The following ROBO1 variants were observed in gnomAD, a reference collection of about 807,000 sequenced individuals.
ROBO1 encodes the protein roundabout guidance receptor 1.
Under a neutral mutation model 195.9 loss-of-function variants are expected in ROBO1, and 149 were observed. The observed-to-expected ratio is 0.76, with a 90% CI of 0.67 to 0.87. The LOEUF is 0.87. Among genes scored for constraint, ROBO1 ranks in the 40% least tolerant of loss-of-function variants. ROBO1 has a pLI of 0.00. For missense variants in ROBO1, 1,933 were observed against 2,068.3 expected, an observed-to-expected ratio of 0.93 and a Z score of 1.27; for synonymous variants, 816 against 733.2, an observed-to-expected ratio of 1.11 and a Z score of -1.82.
intron 2 of ROBO1, among the ~76,000 whole-genome samples, chr3:79,223,758 A>G (rs1475129564): frequency 6.6e-6 from 1 of 152,178 alleles, no homozygotes; most frequent in Non-Finnish European, 1.5e-5. Flanking sequence ...CTAAGGCTCA[A>G]GATAGGTAAT....
In ROBO1 at chr3:79,446,488, G is replaced by A. The variant is rs925081356; in HGVS notation, c.88+143336C>T. On this transcript the variant is annotated intron_variant, in intron 2 of 30. Coordinates refer to ENST00000464233, the MANE Select transcript of ROBO1 (RefSeq NM_002941.4). Reference sequence around the variant, plus strand: ...GTTTTGAAATAAATAAGATCATGCTGCAATTAGTGTTGCTTATAATAGATA... The same window carrying A: ...GTTTTGAAATAAATAAGATCATGCTACAATTAGTGTTGCTTATAATAGATA... 3.9e-5 allele frequency among the ~76,000 whole-genome samples: 6 copies of A among 152,236 alleles called. No homozygotes were observed. The South Asian group carries it at 1.2e-3, about 32-fold the overall frequency.
intron 2 of ROBO1, among the ~76,000 whole-genome samples, chr3:79,232,345 A>G (rs2108854825): frequency 6.6e-6 from 1 of 151,196 alleles, no homozygotes; most frequent in East Asian, 1.9e-4. Context: ...TGTGCACTAA[A>G]AAAAAATAAA....
At chr3:79,062,267 T>C (rs2078933035) in intron 3 of ROBO1, among the ~76,000 whole-genome samples, 1 of 152,072 alleles carries the variant, frequency 6.6e-6, no homozygotes. Flanking sequence ...TCACTGGTCA[T>C]TAGAGAAATG....
At chr3:79,249,191 C>T (rs2108903725) in intron 2 of ROBO1, among the ~76,000 whole-genome samples, 1 of 152,244 alleles carries the variant, frequency 6.6e-6, no homozygotes, top group Middle Eastern at 3.4e-3. Context: ...ACAGTTTTGA[C>T]CAATACGTGT....
intron 5 of ROBO1, among the ~76,000 whole-genome samples, chr3:78,746,323 C>T (rs183995480): frequency 6.6e-6 from 1 of 152,018 alleles, no homozygotes; most frequent in African/African-American, 2.4e-5. Flanking sequence ...AACAGAAAAG[C>T]ACTTTTAAAA....
intron 4 of ROBO1, among the ~76,000 whole-genome samples, chr3:78,762,058 G>T (rs1235872819): frequency 6.6e-6 from 1 of 151,880 alleles, no homozygotes; most frequent in Non-Finnish European, 1.5e-5. Flanking sequence ...TTTTAAATGG[G>T]AATTTAACAA....
intron 3 of ROBO1, among the ~76,000 whole-genome samples, chr3:79,020,051 T>C (rs1207751012): frequency 1.3e-5 from 2 of 152,220 alleles, no homozygotes; most frequent in Non-Finnish European, 2.9e-5. Flanking sequence ...CATTTCCTCA[T>C]GTTTCAGTTG....
chr3:79,300,502 C>T lies in ROBO1; in HGVS notation c.89-174963G>A, dbSNP rs368521610. On this transcript the variant is annotated intron_variant, in intron 2 of 30. Transcript: ENST00000464233. ...CAGCCCGCCATGCCTGAGCCTCCCA[C>T]CCCCTCCGTGGGCTCCTGTGCGGCC... Among the ~76,000 whole-genome samples, 226 of 152,344 alleles carry T rather than the reference C, an allele frequency of 1.5e-3. 1 individual carries two copies. The highest frequency in any genetic ancestry group is 5.1e-3 in the African/African-American group (213 of 41,590).
chr3:79,392,350 A>AAATGAGT (rs1466432671), intron 2 of ROBO1, among the ~76,000 whole-genome samples: 2 of 152,226 alleles, frequency 1.3e-5, no homozygotes, highest in African/African-American at 4.8e-5. Flanking sequence ...TTTTAGTAAG[A>AAATGAGT]AATGAGTACC....
In ROBO1 at chr3:79,214,729, T is replaced by A. The variant is rs188448946; in HGVS notation, c.89-89190A>T. On this transcript the variant is annotated intron_variant, in intron 2 of 30. Transcript: ENST00000464233. ...GTTAGTAATTGCTATATATATATAT[T>A]TGCTATATATATATATAGCATGTAT... Among the ~76,000 whole-genome samples, 99 of 148,364 alleles carry A rather than the reference T, an allele frequency of 6.7e-4. 1 individual carries two copies. In the East Asian group the frequency reaches 9.0e-3, roughly 14 times the overall value.
intron 4 of ROBO1, among the ~76,000 whole-genome samples, chr3:78,788,662 T>C (rs2083924082): frequency 6.6e-6 from 1 of 152,028 alleles, no homozygotes; most frequent in Non-Finnish European, 1.5e-5. Context: ...TACCATATCT[T>C]AGTGGTATTT....
At chr3:78,662,384 TAAC>T (rs768617226) in intron 14 of ROBO1, among the ~76,000 whole-genome samples, 16 of 151,888 alleles carry the variant, frequency 1.1e-4, no homozygotes, top group Non-Finnish European at 2.2e-4. Context: ...CAATGGCAAA[TAAC>T]AACATTTAGT....
chr3:79,073,215 C>T (rs1389010476), intron 3 of ROBO1, among the ~76,000 whole-genome samples: 1 of 151,918 alleles, frequency 6.6e-6, no homozygotes, highest in African/African-American at 2.4e-5. Context: ...CATATTAGTG[C>T]TTATATTCTT....
chr3:78,783,430 A>G lies in ROBO1; in HGVS notation c.500-36530T>C, dbSNP rs373800739. On this transcript the variant is annotated intron_variant, in intron 4 of 30. Transcript: ENST00000464233. The stretch of plus-strand genomic sequence containing the variant: ...TTTCATCTATACCTACAATCAATTT[A>G]ATTTTCTTTCTAATAAGATGAATTC... Among the ~76,000 whole-genome samples, 7 of 152,298 alleles carry G rather than the reference A, an allele frequency of 4.6e-5. No homozygotes were observed. In the East Asian group the frequency reaches 7.7e-4, roughly 17 times the overall value.
At chr3:78,827,710 A>G (rs2031755389) in intron 4 of ROBO1, among the ~76,000 whole-genome samples, 1 of 152,168 alleles carries the variant, frequency 6.6e-6, no homozygotes, top group Non-Finnish European at 1.5e-5. Context: ...GACGCAGAGA[A>G]GAGCTAATGT....
chr3:79,489,125 T>A (rs536567007), intron 2 of ROBO1, among the ~76,000 whole-genome samples: 44 of 150,262 alleles, frequency 2.9e-4, no homozygotes, highest in South Asian at 1.5e-3. Context: ...TATATATATA[T>A]AAAACATGTG....
At chr3:78,938,557 T>G (rs1367958403) in intron 4 of ROBO1, 44 bp downstream of exon 4, 1 of 1,524,762 alleles carries the variant, frequency 6.6e-7, no homozygotes, top group Non-Finnish European at 8.9e-7. Flanking sequence ...ATGACGCCAC[T>G]CTGCCACTCC....
At chr3:79,383,772 T>G (rs529053586) in intron 2 of ROBO1, among the ~76,000 whole-genome samples, 2 of 152,152 alleles carry the variant, frequency 1.3e-5, no homozygotes, top group South Asian at 4.1e-4. Context: ...CTTTCTTTCT[T>G]TAGTTAAGTT....
intron 1 of ROBO1, among the ~76,000 whole-genome samples, chr3:79,656,854 G>C (rs1946179796): frequency 6.6e-6 from 1 of 151,762 alleles, no homozygotes; most frequent in East Asian, 1.9e-4. Context: ...CTGTGATTGT[G>C]CCACTGCACT....
Sources: gnomAD v4.1 joint callset for allele counts (sites outside exome capture counted in the v4.1 genomes callset) on GRCh38, gnomAD v4.1.1 for gene constraint, MANE v1.5 for transcripts, NCBI Gene and HGNC (gene_info 2026-07-23, HGNC 2026-07-21) for gene names.